WDPCP: variants seen among roughly 807,000 people sequenced by gnomAD.
The protein encoded by WDPCP is WD repeat-containing and planar cell polarity effector protein fritz homolog.
Under a neutral mutation model 93.1 loss-of-function variants are expected in WDPCP, and 71 were observed. The ratio of observed to expected loss-of-function variants is 0.76; its 90% confidence interval spans 0.63 to 0.93. The LOEUF (loss-of-function observed/expected upper bound fraction) is 0.93. Ranked by LOEUF, WDPCP falls within the 40% of genes least tolerant of loss-of-function variation. The probability of loss-of-function intolerance (pLI) is 0.00; values close to 1 mark genes in which losing one functional copy is unlikely to be tolerated. For synonymous variants in WDPCP, 315 were observed against 315.0 expected (o/e 1.00, Z 0.00); for missense variants, 844 against 887.4 (o/e 0.95, Z 0.62).
At chr2:63,176,435 G>T (rs1426698103) in intron 14 of WDPCP, among the ~76,000 whole-genome samples, 1 of 152,102 alleles carries the variant, frequency 6.6e-6, no homozygotes, top group Non-Finnish European at 1.5e-5. Flanking sequence ...CATTATTGTA[G>T]AGAGGGGCTT....
chr2:63,181,768 C>T (rs1387076716), intron 14 of WDPCP, among the ~76,000 whole-genome samples: 1 of 150,510 alleles, frequency 6.6e-6, no homozygotes, highest in African/African-American at 2.4e-5. Flanking sequence ...TCAATCTATA[C>T]ATCTGTATGG....
At chr2:63,441,131 CAG>C (rs1697474277) in intron 6 of WDPCP, 1 of 152,110 alleles carries the variant, frequency 6.6e-6, no homozygotes, top group African/African-American at 2.4e-5. Context: ...TCTACAGGGG[CAG>C]AGAGTTGGGG....
At chr2:63,492,388 A>T (rs1481234408) in intron 2 of WDPCP, among the ~76,000 whole-genome samples, 1 of 152,128 alleles carries the variant, frequency 6.6e-6, no homozygotes, top group Admixed American at 6.5e-5. Context: ...TATCAAATAG[A>T]AATGCCTTTA....
At chr2:63,153,391 G>A in intron 16 of WDPCP, 104 bp downstream of exon 16, 2 of 858,686 alleles carry the variant, frequency 2.3e-6, no homozygotes, top group Non-Finnish European at 3.7e-6. Flanking sequence ...AACTAGAAAT[G>A]CTCAGAGTTT....
intron 15 of WDPCP, among the ~76,000 whole-genome samples, chr2:63,159,392 G>C (rs550938108): frequency 1.3e-5 from 2 of 151,850 alleles, no homozygotes; most frequent in South Asian, 4.2e-4. Context: ...TGCCTGGCTT[G>C]TTTCAGTAAT....
chr2:63,675,396 G>A (rs1236507278), intron 2 of WDPCP, among the ~76,000 whole-genome samples: 1 of 152,136 alleles, frequency 6.6e-6, no homozygotes, highest in African/African-American at 2.4e-5. Context: ...AAGTCCAGGT[G>A]GGTGGCATGT....
chr2:63,805,021 C>G (rs191039023), intron 2 of WDPCP, among the ~76,000 whole-genome samples: 22 of 151,958 alleles, frequency 1.4e-4, no homozygotes, highest in Admixed American at 4.6e-4. Flanking sequence ...GAGTGAAACT[C>G]CATTTCAAAA....
At chr2:63,643,587 G>T in intron 3 of WDPCP, 1 of 434,276 alleles carries the variant, frequency 2.3e-6, no homozygotes, top group South Asian at 1.9e-5. Context: ...TCACCTTGAT[G>T]AGGGGATCAG....
chr2:63,495,952 T>C lies in WDPCP; in HGVS notation c.76-3012A>G, dbSNP rs557786227. 1.1e-4 allele frequency among the ~76,000 whole-genome samples: 16 copies of C among 152,218 alleles called. No homozygotes were observed. The South Asian group carries it at 3.1e-3, about 30-fold the overall frequency. ...AGGTATTTGAATTAGGACATGCAAA[T>C]TGGTTAATATTCCATTGCAAGTAAG... On this transcript the variant is annotated intron_variant, in intron 1 of 17. Transcript: ENST00000272321.
At chr2:63,419,880 T>G (rs186266061) in intron 9 of WDPCP, among the ~76,000 whole-genome samples, 3 of 152,336 alleles carry the variant, frequency 2.0e-5, no homozygotes, top group East Asian at 3.9e-4. Flanking sequence ...TTCATTTTCC[T>G]GTAGGTAAAC....
At chr2:63,808,182 G>A (rs1428912460) in intron 2 of WDPCP, among the ~76,000 whole-genome samples, 1 of 152,134 alleles carries the variant, frequency 6.6e-6, no homozygotes, top group Non-Finnish European at 1.5e-5. Context: ...TTTAGGACAG[G>A]AATTTACTGA....
intron 1 of WDPCP, among the ~76,000 whole-genome samples, chr2:63,529,040 A>T (rs534736839): frequency 3.3e-5 from 5 of 152,090 alleles, no homozygotes; most frequent in Admixed American, 6.6e-5. Context: ...TATAAGAATG[A>T]CTGTGATTTT....
chr2:63,606,954 A>G (rs774948357), intron 3 of WDPCP: 3 of 1,612,826 alleles, frequency 1.9e-6, no homozygotes, highest in Admixed American at 1.7e-5. Context: ...CAGAAGAAAA[A>G]GAAAGTGCTT....
chr2:63,557,304 C>T (rs182520069), intron 1 of WDPCP, among the ~76,000 whole-genome samples: 1 of 151,952 alleles, frequency 6.6e-6, no homozygotes, highest in African/African-American at 2.4e-5. Flanking sequence ...CAAAATAAAA[C>T]GATGAAGGAA....
At chr2:63,360,350 G>A (rs778484341) in intron 12 of WDPCP, among the ~76,000 whole-genome samples, 3 of 152,138 alleles carry the variant, frequency 2.0e-5, no homozygotes, top group Non-Finnish European at 4.4e-5. Context: ...TACATATTTC[G>A]CTATCTGACA....
chr2:63,613,725 C>A (rs1243201078), intron 3 of WDPCP, among the ~76,000 whole-genome samples: 1 of 152,172 alleles, frequency 6.6e-6, no homozygotes, highest in Non-Finnish European at 1.5e-5. Flanking sequence ...TCATGCCGAA[C>A]ACTTCTGAAT....
chr2:63,245,224 C>T (rs776081144), intron 14 of WDPCP, among the ~76,000 whole-genome samples: 25 of 152,118 alleles, frequency 1.6e-4, no homozygotes, highest in Non-Finnish European at 3.2e-4. Context: ...CCAGGTGTGC[C>T]AATGTCAGGT....
In WDPCP at chr2:63,721,199, T is replaced by C. The variant is rs1237764539; in HGVS notation, n.309-70361A>G. 2.0e-5 allele frequency among the ~76,000 whole-genome samples: 3 copies of C among 152,270 alleles called. No individual in the cohort carries two copies. In the East Asian group the frequency reaches 5.8e-4, roughly 29 times the overall value. On this transcript the variant is annotated intron_variant and non_coding_transcript_variant, in intron 2 of 4. Transcript: ENST00000467687. ...ATAAATGGGGCTGTCATTCAATTGC[T>C]TGATTTATTTGTTTGCAAATCTACA...
intron 3 of WDPCP, among the ~76,000 whole-genome samples, chr2:63,600,428 T>C (rs1558861799): frequency 6.6e-6 from 1 of 152,212 alleles, no homozygotes; most frequent in Admixed American, 6.5e-5. Context: ...CAAACCCTTA[T>C]GTATGTTCTT....
Sources: allele counts gnomAD v4.1 joint callset (sites outside exome capture counted in the v4.1 genomes callset), GRCh38; gene constraint gnomAD v4.1.1; transcripts MANE v1.5; gene names NCBI Gene and HGNC (gene_info 2026-07-23, HGNC 2026-07-21).